The following CCAR2 variants were observed in gnomAD, a reference collection of about 807,000 sequenced individuals.
CCAR2 encodes the protein cell cycle and apoptosis regulator 2.
CCAR2 carries 21 observed loss-of-function variants against 108.1 expected under a neutral mutation model. That is an observed-to-expected ratio of 0.19 (90% CI 0.14 to 0.28). The LOEUF is 0.28. Among genes scored for constraint, CCAR2 ranks in the 10% least tolerant of loss-of-function variants. The probability of loss-of-function intolerance (pLI) is 1.00; values close to 1 mark genes in which losing one functional copy is unlikely to be tolerated. For missense variants in CCAR2, 1,126 were observed against 1,177.0 expected, an observed-to-expected ratio of 0.96 and a Z score of 0.63; for synonymous variants, 577 against 472.8, an observed-to-expected ratio of 1.22 and a Z score of -2.86.
Position 22,616,551 on chromosome 8 carries a change from C to G in CCAR2, c.1845+303C>G, listed in dbSNP as rs78991489. The G allele has an allele frequency of 6.7e-4, 275 of 412,884 alleles. 2 individuals are homozygous for G. Among genetic ancestry groups the G allele is most frequent in the African/African-American group, 5.0e-3 (248 of 49,934 alleles). The allele number at this position is 412,884 out of a possible 1,614,324, so 25.6% of individuals were successfully genotyped here. ...AAATTTTGTAGGCCGGGCGCTGTAGCTCACCCCTGTAATCCCAGCACTTTG... is the reference window on the plus strand; with the variant it reads ...AAATTTTGTAGGCCGGGCGCTGTAGGTCACCCCTGTAATCCCAGCACTTTG... On this transcript the variant is annotated intron_variant, in intron 14 of 20. Coordinates refer to ENST00000308511, the MANE Select transcript of CCAR2 (RefSeq NM_001393997.1).
chr8:22,619,457 C>A, intron 20 of CCAR2, 102 bp downstream of exon 20: 1 of 1,441,360 alleles, frequency 6.9e-7, no homozygotes, highest in Non-Finnish European at 9.4e-7. Flanking sequence ...AGAGGGCCAG[C>A]AGGCACCGGC....
downstream of CCAR2, chr8:22,621,458 A>T: frequency 3.7e-6 from 6 of 1,613,766 alleles, no homozygotes; most frequent in Non-Finnish European, 5.1e-6. Context: ...CCCGGAGCTC[A>T]CTGAGTTTGG....
At chr8:22,612,261 T>A (rs1801314720) in intron 7 of CCAR2, among the ~76,000 whole-genome samples, 1 of 143,132 alleles carries the variant, frequency 7.0e-6, no homozygotes, top group Non-Finnish European at 1.5e-5. Flanking sequence ...AACCGTCTCT[T>A]CTAATAAAAT....
rs202173071 is a variant in CCAR2, at chr8:22,615,622, G to T, written c.1377+26G>T. 6 of 1,613,390 alleles carry T rather than the reference G, an allele frequency of 3.7e-6. No individual in the cohort carries two copies. In the Admixed American group the frequency reaches 5.0e-5, roughly 13 times the overall value. ...GTAAGGCTGTGCCTTAGCCAGCAGC[G>T]GGGGATATAGGTGGCCTAATCCCGG... is the stretch of plus-strand genomic sequence containing the variant. On this transcript the variant is annotated intron_variant, in intron 12 of 20. Coordinates refer to ENST00000308511, the MANE Select transcript of CCAR2 (RefSeq NM_001393997.1).
intron 7 of CCAR2, among the ~76,000 whole-genome samples, chr8:22,608,293 G>GTTAAA (rs1184738986): frequency 2.0e-5 from 3 of 152,098 alleles, no homozygotes; most frequent in Non-Finnish European, 4.4e-5. Context: ...TTATACAGTG[G>GTTAAA]TTAAGCAAGC....
At chr8:22,619,520 G>C in intron 20 of CCAR2, 118 bp from the exon 21 acceptor site, 1 of 1,416,958 alleles carries the variant, frequency 7.1e-7, no homozygotes. Flanking sequence ...AGGTTCTCTG[G>C]GAATTGAGCA....
rs1461959652 is a variant in CCAR2 at position 22,615,664 on chromosome 8, T to A, written c.1378-18T>A. 1 of 1,613,802 alleles carries A rather than the reference T, an allele frequency of 6.2e-7. No homozygotes were observed. The highest frequency in any genetic ancestry group is 1.7e-5 in the Admixed American group (1 of 60,016). On this transcript the variant is annotated intron_variant, in intron 12 of 20. Transcript: ENST00000308511. ...TAATCCCGGGACCCAGAGGGTCTCATTTCAGCTGTTGTCACAGGAAACGGA... is the reference window on the plus strand; with the variant it reads ...TAATCCCGGGACCCAGAGGGTCTCAATTCAGCTGTTGTCACAGGAAACGGA...
intron 14 of CCAR2, 140 bp downstream of exon 14, chr8:22,616,388 G>A: frequency 1.3e-6 from 1 of 755,346 alleles, no homozygotes; most frequent in South Asian, 1.7e-5. Flanking sequence ...CGCACAGCTA[G>A]TAAGTAGCAC....
rs1166915924 is a variant in CCAR2, at chr8:22,618,469, C to G, written c.2194C>G (p.Leu732Val). 1 of 1,614,108 alleles carries G rather than the reference C, an allele frequency of 6.2e-7. No individual in the cohort carries two copies. Among genetic ancestry groups the G allele is most frequent in the Admixed American group, 1.7e-5 (1 of 60,014 alleles). ...RRDLERILLT[L>V]GIRLSAEQAK... The stretch of plus-strand genomic sequence containing the variant: ...AGACTTAGAGAGGATCCTCCTTACC[C>G]TTGGGATCCGGCTCAGTGCAGAGCA... The change falls in exon 17 of 21, where the codon CTT (leucine) becomes GTT (valine). Residue 732 changes from leucine (L) to valine (V), a missense_variant. Leu to Val is a conservative substitution (Grantham distance 32). This residue lies in a region of CCAR2 where 1,013 missense variants were observed against 993.9 expected (regional missense o/e 1.02). Coordinates refer to ENST00000308511, the MANE Select transcript of CCAR2 (RefSeq NM_001393997.1).
intron 7 of CCAR2, among the ~76,000 whole-genome samples, chr8:22,611,407 T>TGTGTGTA (rs1554559989): frequency 9.5e-6 from 1 of 105,694 alleles, no homozygotes; most frequent in Non-Finnish European, 2.0e-5. Context: ...TGTGTGTGTA[T>TGTGTGTA]GTGTGTGTAT....
intron 7 of CCAR2, among the ~76,000 whole-genome samples, chr8:22,612,506 T>C (rs1047976758): frequency 2.0e-5 from 3 of 152,018 alleles, no homozygotes; most frequent in African/African-American, 4.8e-5. Context: ...GACCTCGTGA[T>C]CTGCCCGCCT....
rs1044934451 is a variant in CCAR2 at position 22,609,139 on chromosome 8, C to T, written c.584+1074C>T. Among the ~76,000 whole-genome samples, 4 of 148,716 alleles carry T rather than the reference C, an allele frequency of 2.7e-5. No individual in the cohort carries two copies. In the South Asian group the frequency reaches 6.3e-4, roughly 23 times the overall value. Reference sequence around the variant, plus strand: ...GATCACGGCTCATTGCAGCCTTGATCTCTCTGGCACAAGCCATCCTCCTGC... The same window carrying T: ...GATCACGGCTCATTGCAGCCTTGATTTCTCTGGCACAAGCCATCCTCCTGC... On this transcript the variant is annotated intron_variant, in intron 7 of 20. Transcript: ENST00000308511.
Position 22,616,184 on chromosome 8 carries a change from T to A in CCAR2, c.1781T>A (p.Val594Glu), listed in dbSNP as rs898292687. 3.1e-6 allele frequency: 5 copies of A among 1,613,296 alleles called. No individual in the cohort carries two copies. The East Asian group carries it at 1.1e-4, about 36-fold the overall frequency. Reference sequence around the variant, plus strand: ...GAGGAAGAAGCCATCAAAGAGGAGGTGGTCAAGGAGCCCAAGGATGAGGCA... The same window carrying A: ...GAGGAAGAAGCCATCAAAGAGGAGGAGGTCAAGGAGCCCAAGGATGAGGCA... ...TKEEEAIKEE[V>E]VKEPKDEAQN... is the part of the protein sequence containing the mutation. Residue 594 changes from valine (V) to glutamate (E), a missense_variant, in exon 14 of 21, where the codon GTG (valine) becomes GAG (glutamate). By Grantham distance (121) the Val-to-Glu change is moderately radical (BLOSUM62 -2). Around this residue, in one of 4 missense-constraint regions of CCAR2, gnomAD observed 1,013 missense variants for 993.9 expected, o/e 1.02. Transcript: ENST00000308511.
In CCAR2 at chr8:22,619,214, G is replaced by C; in HGVS notation, c.2586G>C (p.Gln862His). 2 of 1,581,992 alleles carry C rather than the reference G, an allele frequency of 1.3e-6. No homozygotes were observed. The highest frequency in any genetic ancestry group is 2.3e-5 in the East Asian group (1 of 43,582). ...VTNKTLAAEMQELRVRLAEAE... is the reference protein window; with the variant it reads ...VTNKTLAAEMHELRVRLAEAE... Reference sequence around the variant, plus strand: ...ATAAGACGCTGGCGGCAGAGATGCAGGAGCTGCGAGTCCGGCTGGCGGAGG... The same window carrying C: ...ATAAGACGCTGGCGGCAGAGATGCACGAGCTGCGAGTCCGGCTGGCGGAGG... Residue 862 changes from glutamine to histidine, a missense_variant, in exon 20 of 21, where the codon CAG becomes CAC. Gln to His is a conservative substitution (Grantham distance 24). Coordinates refer to ENST00000308511, the MANE Select transcript of CCAR2 (RefSeq NM_001393997.1).
chr8:22,606,073 C>G lies in CCAR2; in HGVS notation c.59-12C>G, dbSNP rs1481396939. 6.2e-7 allele frequency: 1 copy of G among 1,611,282 alleles called. No individual in the cohort carries two copies. The highest frequency in any genetic ancestry group is 8.5e-7 in the Non-Finnish European group (1 of 1,177,432). ...GGGGCGGTTCCTGGAGATTGCTTCT[C>G]TTTCCCCATAGGCACAGCTTCAACA... On this transcript the variant is annotated splice_polypyrimidine_tract_variant and intron_variant, in intron 2 of 20. Coordinates refer to ENST00000308511, the MANE Select transcript of CCAR2 (RefSeq NM_001393997.1).
chr8:22,614,478 C>A lies in CCAR2; in HGVS notation c.1016C>A (p.Pro339Gln). Residue 339 changes from proline (P) to glutamine (Q), a missense_variant, in exon 10 of 21, where the codon CCA becomes CAA. Pro to Gln is a moderately conservative substitution (Grantham distance 76, BLOSUM62 -1). This residue lies in a region of CCAR2 where 1,013 missense variants were observed against 993.9 expected (regional missense o/e 1.02). Transcript: ENST00000308511. ...VDDMAEPRET[P>Q]EHPLKQIKFL... ...GACATGGCTGAGCCAAGGGAGACGC[C>A]AGAGCATCCTCTGAAGCAGATTAAG... is the stretch of plus-strand genomic sequence containing the variant. The A allele has an allele frequency of 1.2e-6, 2 of 1,614,128 alleles. No homozygotes were observed. The highest frequency in any genetic ancestry group is 1.7e-6 in the Non-Finnish European group (2 of 1,180,030).
rs747729818 is a variant in CCAR2 at position 22,617,412 on chromosome 8, C to T, written c.1846-8C>T. 1.3e-6 allele frequency: 2 copies of T among 1,529,568 alleles called. No homozygotes were observed. Among genetic ancestry groups the T allele is most frequent in the Non-Finnish European group, 8.8e-7 (1 of 1,140,296 alleles). 94.7% of individuals were successfully genotyped at this position (1,529,568 alleles called of 1,614,324 possible). A position where few individuals can be genotyped will look rare whatever the true frequency, so the allele number is the denominator to read the frequency against. On this transcript the variant is annotated splice_region_variant and splice_polypyrimidine_tract_variant and intron_variant, in intron 14 of 20. Coordinates refer to ENST00000308511, the MANE Select transcript of CCAR2 (RefSeq NM_001393997.1). Reference sequence around the variant, plus strand: ...CCTTTTCCTTATAACCTTTGTCTGCCTCTGTAGAAGGAGGATGGGCTTTTG... The same window carrying T: ...CCTTTTCCTTATAACCTTTGTCTGCTTCTGTAGAAGGAGGATGGGCTTTTG...
In CCAR2 at chr8:22,619,202, G is replaced by A. The variant is rs781211005; in HGVS notation, c.2574G>A (p.Ala858=). The stretch of plus-strand genomic sequence containing the variant: ...CTGAAGTAACCAATAAGACGCTGGC[G>A]GCAGAGATGCAGGAGCTGCGAGTCC... The part of the protein sequence containing the change: ...SATEVTNKTL[A]AEMQELRVRL... Residue 858 remains alanine (A), a synonymous_variant, in exon 20 of 21, where the codon GCG becomes GCA. Transcript: ENST00000308511. 2.6e-5 allele frequency: 41 copies of A among 1,588,668 alleles called. No homozygotes were observed. Among genetic ancestry groups the A allele is most frequent in the African/African-American group, 4.0e-5 (3 of 74,808 alleles).
rs1392351865 is a variant in CCAR2, at chr8:22,618,426, T to C, written c.2151T>C (p.Cys717=). 2.5e-6 allele frequency: 4 copies of C among 1,614,132 alleles called. No homozygotes were observed. The highest frequency in any genetic ancestry group is 3.4e-6 in the Non-Finnish European group (4 of 1,180,056). The change falls in exon 17 of 21, where the codon TGT becomes TGC. Residue 717 remains cysteine, a synonymous_variant. Coordinates refer to ENST00000308511, the MANE Select transcript of CCAR2 (RefSeq NM_001393997.1). ...TTGTGTTCTTTGATGCCAACTGGTG[T>C]GGCTACTTGCACCGGCGAGACTTAG... ...LAFVFFDANW[C]GYLHRRDLER...
Sources: allele counts gnomAD v4.1 joint callset (sites outside exome capture counted in the v4.1 genomes callset), GRCh38; gene constraint gnomAD v4.1.1; regional missense constraint gnomAD v4.1.1; transcripts MANE v1.5; gene names NCBI Gene and HGNC (gene_info 2026-07-23, HGNC 2026-07-21).